Variants in RNPS1 observed in about 807,000 individuals in gnomAD.
RNPS1 encodes RNA binding protein with serine rich domain 1.
For missense variants in RNPS1, 300 were observed against 427.6 expected (o/e 0.70, Z 2.63); for synonymous variants, 147 against 150.0 (o/e 0.98, Z 0.15).
intron 7 of RNPS1, among the ~76,000 whole-genome samples, chr16:2,254,741 T>A (rs1176498511): frequency 0.014 from 408 of 28,300 alleles, 1 homozygote; most frequent in Non-Finnish European, 0.026. Context: ...AAGTTTTACC[T>A]TTTTTTTTTT....
chr16:2,264,859 A>G (rs2093618688), intron 1 of RNPS1, 99 bp from the exon 2 acceptor site: 1 of 943,926 alleles, frequency 1.1e-6, no homozygotes. Flanking sequence ...GCAGCAAGGG[A>G]GCACGGTAAG....
At position 2,263,278 on chromosome 16, in the gene RNPS1, G is replaced by A; in HGVS notation, c.237C>T (p.Ser79=). 1 of 1,613,918 alleles carries A rather than the reference G, an allele frequency of 6.2e-7. No homozygotes were observed. The highest frequency in any genetic ancestry group is 8.5e-7 in the Non-Finnish European group (1 of 1,179,946). The change falls in exon 4 of 8, where the codon TCC becomes TCT. Residue 79 remains serine (S), a synonymous_variant. Coordinates refer to ENST00000320225, the MANE Select transcript of RNPS1 (RefSeq NM_080594.4). Reference sequence around the variant, plus strand: ...TGGAGCCTGAGCTGGAAGTCGAGCTGGACCGAGACCTGAGGGCAAGATGAG... The same window carrying A: ...TGGAGCCTGAGCTGGAAGTCGAGCTAGACCGAGACCTGAGGGCAAGATGAG... ...SSGSSSTRSR[S]SSTSSSGSST...
intron 7 of RNPS1, among the ~76,000 whole-genome samples, chr16:2,254,371 G>A (rs1309564086): frequency 4.0e-5 from 6 of 151,828 alleles, no homozygotes; most frequent in African/African-American, 7.3e-5. Flanking sequence ...GTGCAGAGGC[G>A]CAATCTCGGC....
In RNPS1 at chr16:2,264,751, A is replaced by G. The variant is rs926460989; in HGVS notation, c.-108T>C. 1 of 1,562,688 alleles carries G rather than the reference A, an allele frequency of 6.4e-7. No homozygotes were observed. The highest frequency in any genetic ancestry group is 1.4e-5 in the African/African-American group (1 of 73,180). ...TCCCTAATCGATTGCAATTTACGCC[A>G]AAGAGCAGCCTAATAACAAGATAAA... is the stretch of plus-strand genomic sequence containing the variant. On this transcript the variant is annotated 5_prime_UTR_variant, in exon 2 of 8. Coordinates refer to ENST00000320225, the MANE Select transcript of RNPS1 (RefSeq NM_080594.4).
At chr16:2,254,115 C>T (rs2093565499) in intron 7 of RNPS1, 52 bp from the exon 8 acceptor site, 1 of 1,300,116 alleles carries the variant, frequency 7.7e-7, no homozygotes, top group Non-Finnish European at 1.0e-6. Context: ...TAGGGGCAAG[C>T]TAGCTTCTTT....
At chr16:2,265,070 G>A (rs2093619729) in intron 1 of RNPS1, 1 of 169,482 alleles carries the variant, frequency 5.9e-6, no homozygotes, top group Admixed American at 5.8e-5. Flanking sequence ...ATGAGCCCCT[G>A]CAGTCCTTTC....
At chr16:2,267,456 C>G (rs368214067) in intron 1 of RNPS1, 1 of 966,172 alleles carries the variant, frequency 1.0e-6, no homozygotes, top group South Asian at 4.7e-5. Flanking sequence ...GGCCACCGTG[C>G]TCGGTCCATA....
rs770242335 is a variant in RNPS1, at chr16:2,268,043, G to C, written c.-118+12C>G. ...CGAAACACGGATGCAGTCGGATTCC[G>C]CCCCAACTTACATCTTCCCGCCGCC... is the stretch of plus-strand genomic sequence containing the variant. On this transcript the variant is annotated intron_variant, in intron 1 of 7. Coordinates refer to ENST00000320225, the MANE Select transcript of RNPS1 (RefSeq NM_080594.4). 1 of 1,534,340 alleles carries C rather than the reference G, an allele frequency of 6.5e-7. No homozygotes were observed. Among genetic ancestry groups the C allele is most frequent in the South Asian group, 1.2e-5 (1 of 83,998 alleles).
chr16:2,256,681 T>A (rs2093580062), intron 6 of RNPS1: 1 of 152,294 alleles, frequency 6.6e-6, no homozygotes, highest in African/African-American at 2.4e-5. Flanking sequence ...CGAGAGCGAG[T>A]GACAGGCAAA....
At chr16:2,267,202 C>G in intron 1 of RNPS1, 1 of 985,432 alleles carries the variant, frequency 1.0e-6, no homozygotes, top group Non-Finnish European at 1.2e-6. Flanking sequence ...CTCAGGACCT[C>G]GGTTACCTCC....
At position 2,254,057 on chromosome 16, in the gene RNPS1, G is replaced by T. The variant is rs17135851; in HGVS notation, c.825C>A (p.Arg275=). The stretch of plus-strand genomic sequence containing the variant: ...GCACGGGGGACCTGCGCCTCGGGGA[G>T]CGGGACCTGCGGGAAGAGGAGAAAC... The part of the protein sequence containing the change: ...RSPPRMRRRS[R]SPRRRSPVRR... Residue 275 remains arginine, a synonymous_variant, in exon 8 of 8, where the codon CGC becomes CGA. Transcript: ENST00000320225. 6.8e-7 allele frequency: 1 copy of T among 1,477,436 alleles called. No homozygotes were observed. Among genetic ancestry groups the T allele is most frequent in the African/African-American group, 1.4e-5 (1 of 70,422 alleles). 91.5% of individuals were successfully genotyped at this position (1,477,436 alleles called of 1,614,324 possible). A position where few individuals can be genotyped will look rare whatever the true frequency, so the allele number is the denominator to read the frequency against.
intron 6 of RNPS1, among the ~76,000 whole-genome samples, chr16:2,261,913 A>G (rs769172107): frequency 6.6e-6 from 1 of 152,260 alleles, no homozygotes; most frequent in Non-Finnish European, 1.5e-5. Flanking sequence ...ATTAAAAGTC[A>G]GTAACTTATG....
At chr16:2,262,610 G>GA in intron 5 of RNPS1, 130 bp downstream of exon 5, 3 of 965,782 alleles carry the variant, frequency 3.1e-6, no homozygotes, top group South Asian at 3.0e-5. Context: ...CAAGAGGAAC[G>GA]AATCAATGCT....
At chr16:2,262,916 C>T in intron 4 of RNPS1, 74 bp from the exon 5 acceptor site, 1 of 1,378,848 alleles carries the variant, frequency 7.3e-7, no homozygotes, top group Non-Finnish European at 1.0e-6. Context: ...CGAGTAAGCT[C>T]TTATCTGCTT....
chr16:2,262,661 C>T (rs1567326323), intron 5 of RNPS1, 79 bp downstream of exon 5: 1 of 1,317,028 alleles, frequency 7.6e-7, no homozygotes, highest in South Asian at 1.2e-5. Flanking sequence ...CTCCAAAAGG[C>T]TACATTCTAA....
intron 1 of RNPS1, chr16:2,267,299 A>C (rs1030562325): frequency 1.3e-5 from 13 of 984,748 alleles, no homozygotes; most frequent in African/African-American, 5.2e-5. Context: ...TTTCGGCACA[A>C]ATCTTCAGAG....
At chr16:2,266,037 A>G (rs2093623824) in intron 1 of RNPS1, 5 of 847,196 alleles carry the variant, frequency 5.9e-6, no homozygotes, top group Non-Finnish European at 7.1e-6. Flanking sequence ...TATTTCTAGT[A>G]AGGCTCTGCA....
rs778496492 is a variant in RNPS1, at chr16:2,262,722, G to T, written c.522+18C>A. ...TGTCCACACCCCACTGCCCACAGGA[G>T]AGATCCATGATCCTCACCTTTGTCA... On this transcript the variant is annotated intron_variant, in intron 5 of 7. Transcript: ENST00000320225. 1 of 1,603,662 alleles carries T rather than the reference G, an allele frequency of 6.2e-7. No individual in the cohort carries two copies. Among genetic ancestry groups the T allele is most frequent in the Non-Finnish European group, 8.5e-7 (1 of 1,172,172 alleles).
chr16:2,255,732 GA>G lies in RNPS1; in HGVS notation c.677-7del, dbSNP rs758793567. 2.9e-5 allele frequency: 46 copies of G among 1,613,354 alleles called. No homozygotes were observed. The highest frequency in any genetic ancestry group is 2.2e-4 in the East Asian group (10 of 44,896). ...CTCCTGGCCATCAATTTGTCCTGTT[GA>G]AAAAGACAGCAAGTCATAAAATATC... is the stretch of plus-strand genomic sequence containing the variant. On this transcript the variant is annotated splice_polypyrimidine_tract_variant and splice_region_variant and intron_variant, in intron 6 of 7. Coordinates refer to ENST00000320225, the MANE Select transcript of RNPS1 (RefSeq NM_080594.4).
Sources: gnomAD v4.1 joint callset for allele counts (sites outside exome capture counted in the v4.1 genomes callset) on GRCh38, gnomAD v4.1.1 for gene constraint, MANE v1.5 for transcripts, NCBI Gene and HGNC (gene_info 2026-07-23, HGNC 2026-07-21) for gene names.